TBX15: variants seen among roughly 807,000 people sequenced by gnomAD.
TBX15 encodes T-box transcription factor TBX15.
In TBX15, 18 loss-of-function variants were observed where a neutral mutation model predicts 53.9. That is an observed-to-expected ratio of 0.33 (90% CI 0.23 to 0.49). The LOEUF (loss-of-function observed/expected upper bound fraction) is 0.49, where lower values mean the gene tolerates loss of function less well. TBX15 is among the 20% of genes least tolerant of loss of function. The pLI, the probability that TBX15 is intolerant of heterozygous loss-of-function variation, is 0.98. For missense variants in TBX15, 692 were observed against 749.5 expected, an observed-to-expected ratio of 0.92 and a Z score of 0.90; for synonymous variants, 295 against 278.0, an observed-to-expected ratio of 1.06 and a Z score of -0.61.
Position 118,883,477 on chromosome 1 carries a change from G to T in TBX15, c.*1255C>A, listed in dbSNP as rs549427783. The T allele has an allele frequency of 6.6e-6, 1 of 152,338 alleles. No homozygotes were observed. The highest frequency in any genetic ancestry group is 2.4e-5 in the African/African-American group (1 of 41,556). 9.4% of individuals were successfully genotyped at this position (152,338 alleles called of 1,614,324 possible). On this transcript the variant is annotated 3_prime_UTR_variant, in exon 8 of 8. Coordinates refer to ENST00000369429, the MANE Select transcript of TBX15 (RefSeq NM_001330677.2). Reference sequence around the variant, plus strand: ...AGAAGACCCATCTGCAATTCCCTGGGACATGAGGGGATATTTCCTGCCACA... The same window carrying T: ...AGAAGACCCATCTGCAATTCCCTGGTACATGAGGGGATATTTCCTGCCACA...
chr1:118,934,901 C>T (rs762488978), intron 1 of TBX15, among the ~76,000 whole-genome samples: 2 of 152,188 alleles, frequency 1.3e-5, no homozygotes, highest in Admixed American at 1.3e-4. Flanking sequence ...CACTCTCTCA[C>T]AAAACAGGAT....
chr1:118,975,232 G>A (rs990459386), intron 1 of TBX15, among the ~76,000 whole-genome samples: 2 of 152,138 alleles, frequency 1.3e-5, no homozygotes, highest in East Asian at 1.9e-4. Context: ...AAGGCTGCAC[G>A]TGTGCCATTC....
rs778774181 is a variant in TBX15, at chr1:118,899,097, A to G, written c.955T>C (p.Tyr319His). ...RTGLEAIMET[Y>H]AFWRPPVRTL... ...CGCACAGGAGGTCTCCAGAATGCAT[A>G]TGTCTCCATGATGGCTTCAAGTCCA... is the stretch of plus-strand genomic sequence containing the variant. The change falls in exon 7 of 8, where the codon TAT becomes CAT. Residue 319 changes from tyrosine to histidine, a missense_variant. Physicochemically the swap from Tyr to His is moderately conservative, Grantham distance 83. Transcript: ENST00000369429. The G allele has an allele frequency of 1.9e-6, 3 of 1,613,650 alleles. No homozygotes were observed. Among genetic ancestry groups the G allele is most frequent in the Middle Eastern group, 1.7e-4 (1 of 6,058 alleles).
At chr1:118,924,498 A>T (rs1249774633) in intron 4 of TBX15, 148 bp downstream of exon 4, 2 of 959,204 alleles carry the variant, frequency 2.1e-6, no homozygotes, top group Admixed American at 4.5e-5. Flanking sequence ...TAACTGGAAA[A>T]AAACACTTTT....
intron 1 of TBX15, among the ~76,000 whole-genome samples, chr1:118,959,263 C>T (rs992509054): frequency 2.0e-5 from 3 of 152,046 alleles, no homozygotes; most frequent in Admixed American, 6.6e-5. Flanking sequence ...GAGGATACAC[C>T]CTGATCCATG....
At chr1:118,975,783 G>A (rs921866431) in intron 1 of TBX15, among the ~76,000 whole-genome samples, 1 of 152,308 alleles carries the variant, frequency 6.6e-6, no homozygotes, top group South Asian at 2.1e-4. Flanking sequence ...TTAGAGTTGT[G>A]GACACTGAGC....
chr1:118,912,206 G>A (rs1655048609), intron 6 of TBX15, among the ~76,000 whole-genome samples: 1 of 152,098 alleles, frequency 6.6e-6, no homozygotes, highest in Non-Finnish European at 1.5e-5. Flanking sequence ...AATGCTATTG[G>A]AGATACAGAA....
chr1:118,939,437 C>CAAAAA (rs869077887), intron 1 of TBX15, among the ~76,000 whole-genome samples: 23 of 84,724 alleles, frequency 2.7e-4, no homozygotes, highest in African/African-American at 1.0e-3. Context: ...AAAAAAAAAA[C>CAAAAA]AAAAACAGGA....
At chr1:118,927,013 T>G (rs1284134312) in intron 2 of TBX15, among the ~76,000 whole-genome samples, 3 of 152,094 alleles carry the variant, frequency 2.0e-5, no homozygotes, top group African/African-American at 7.2e-5. Flanking sequence ...TGTGAGCCAA[T>G]GCACCCAGCC....
At chr1:118,959,855 T>G (rs761662270) in intron 1 of TBX15, among the ~76,000 whole-genome samples, 1 of 152,168 alleles carries the variant, frequency 6.6e-6, no homozygotes, top group African/African-American at 2.4e-5. Context: ...TTTCTCCTCC[T>G]TGTACAGACA....
intron 1 of TBX15, among the ~76,000 whole-genome samples, chr1:118,932,189 A>G (rs1481997163): frequency 6.6e-6 from 1 of 152,228 alleles, no homozygotes; most frequent in Non-Finnish European, 1.5e-5. Context: ...ATGCCATATT[A>G]AACTAAAATA....
Position 118,928,937 on chromosome 1 carries a change from A to G in TBX15, c.420-2326T>C, listed in dbSNP as rs944616038. Among the ~76,000 whole-genome samples the G allele has an allele frequency of 5.3e-5, 8 of 152,318 alleles. No individual in the cohort carries two copies. The South Asian group carries it at 1.4e-3, about 28-fold the overall frequency. On this transcript the variant is annotated intron_variant, in intron 2 of 7. Transcript: ENST00000369429. ...TGCCCCCTTGCTTTAAAATTCTGTG[A>G]CTACCTTTGAATTCTCTTCTTAAAA... is the stretch of plus-strand genomic sequence containing the variant.
intron 1 of TBX15, among the ~76,000 whole-genome samples, chr1:118,957,963 G>C (rs920501363): frequency 1.3e-5 from 2 of 152,112 alleles, no homozygotes. Context: ...ACATGCACAC[G>C]TATGTTTATT....
At chr1:118,929,508 G>A (rs1184278289) in intron 2 of TBX15, among the ~76,000 whole-genome samples, 1 of 152,144 alleles carries the variant, frequency 6.6e-6, no homozygotes, top group Non-Finnish European at 1.5e-5. Context: ...ATTAGATGTA[G>A]TAACAACAGT....
chr1:118,927,735 C>G (rs1321501747), intron 2 of TBX15, among the ~76,000 whole-genome samples: 1 of 152,196 alleles, frequency 6.6e-6, no homozygotes, highest in East Asian at 1.9e-4. Context: ...GGAGACAGAG[C>G]AGCCCAAAAG....
intron 1 of TBX15, among the ~76,000 whole-genome samples, chr1:118,974,766 T>C (rs1657364157): frequency 6.6e-6 from 1 of 152,180 alleles, no homozygotes; most frequent in African/African-American, 2.4e-5. Context: ...GAGCAGTCAC[T>C]CAGAGGTTAA....
intron 5 of TBX15, among the ~76,000 whole-genome samples, chr1:118,922,973 T>A (rs758761979): frequency 8.6e-5 from 13 of 151,916 alleles, no homozygotes; most frequent in Non-Finnish European, 1.5e-4. Flanking sequence ...GGAAAGTCTA[T>A]AATCAGTTAT....
intron 7 of TBX15, among the ~76,000 whole-genome samples, chr1:118,895,867 A>G (rs566708235): frequency 6.6e-6 from 1 of 152,354 alleles, no homozygotes; most frequent in South Asian, 2.1e-4. Flanking sequence ...GTAAGAAAGA[A>G]TAAGAAAAAT....
At chr1:118,946,641 T>C (rs1656356647) in intron 1 of TBX15, among the ~76,000 whole-genome samples, 1 of 152,200 alleles carries the variant, frequency 6.6e-6, no homozygotes, top group East Asian at 1.9e-4. Flanking sequence ...ATCTTTATTA[T>C]GAAGAGGAAG....
Sources: gnomAD v4.1 joint callset for allele counts (sites outside exome capture counted in the v4.1 genomes callset) on GRCh38, gnomAD v4.1.1 for gene constraint, MANE v1.5 for transcripts, NCBI Gene and HGNC (gene_info 2026-07-23, HGNC 2026-07-21) for gene names.